The following KIAA1217 variants were observed in gnomAD, a reference collection of about 807,000 sequenced individuals.
The protein encoded by KIAA1217 is KIAA1217.
KIAA1217 carries 88 observed loss-of-function variants against 163.9 expected under a neutral mutation model. That is an observed-to-expected ratio of 0.54 (90% CI 0.45 to 0.64). KIAA1217 has a LOEUF of 0.64. Ranked by LOEUF, KIAA1217 falls within the 30% of genes least tolerant of loss-of-function variation. The pLI is 0.00. For synonymous variants in KIAA1217, 903 were observed against 923.1 expected (o/e 0.98, Z 0.39); for missense variants, 2,372 against 2,475.0 (o/e 0.96, Z 0.88).
At chr10:24,348,819 A>G (rs942692305) in intron 2 of KIAA1217, among the ~76,000 whole-genome samples, 9 of 152,140 alleles carry the variant, frequency 5.9e-5, no homozygotes, top group Non-Finnish European at 1.3e-4. Context: ...GTTCTGAGCA[A>G]GTTACTACTC....
intron 1 of KIAA1217, among the ~76,000 whole-genome samples, chr10:23,730,285 C>T (rs1158054757): frequency 6.6e-6 from 1 of 152,060 alleles, no homozygotes; most frequent in Non-Finnish European, 1.5e-5. Context: ...TGTTTCAGCA[C>T]CATTTGTTGA....
intron 2 of KIAA1217, among the ~76,000 whole-genome samples, chr10:24,098,549 T>G (rs1589488592): frequency 6.6e-6 from 1 of 152,090 alleles, no homozygotes; most frequent in African/African-American, 2.4e-5. Context: ...ATACCCTCTG[T>G]GGGGCAGGGT....
intron 1 of KIAA1217, among the ~76,000 whole-genome samples, chr10:23,869,166 A>G (rs1840343295): frequency 1.9e-5 from 2 of 105,642 alleles, no homozygotes; most frequent in Admixed American, 1.1e-4. Context: ...CATAAGTAGC[A>G]TATATTTTGA....
At chr10:24,337,467 A>G (rs1442257305) in intron 2 of KIAA1217, among the ~76,000 whole-genome samples, 4 of 152,142 alleles carry the variant, frequency 2.6e-5, no homozygotes, top group African/African-American at 4.8e-5. Flanking sequence ...TCTGTGAGCT[A>G]TGGCTTATAT....
At chr10:23,755,190 A>G (rs1833859943) in intron 1 of KIAA1217, among the ~76,000 whole-genome samples, 1 of 152,208 alleles carries the variant, frequency 6.6e-6, no homozygotes, top group Admixed American at 6.5e-5. Flanking sequence ...AGCAAATGGA[A>G]CAAAAAAGTT....
In KIAA1217 at chr10:24,404,460, G is replaced by A. The variant is rs547015222; in HGVS notation, c.553+23393G>A. On this transcript the variant is annotated intron_variant, in intron 3 of 20. Coordinates refer to ENST00000376454, the MANE Select transcript of KIAA1217 (RefSeq NM_019590.5). ...TGTGTGCCTATAATCCCAGCTACTC[G>A]GGAGGCTGAGACAGGAGAATCTCTT... 9.2e-4 allele frequency among the ~76,000 whole-genome samples: 140 copies of A among 151,490 alleles called. 2 individuals are homozygous for A. The highest frequency in any genetic ancestry group is 2.7e-3 in the African/African-American group (112 of 41,260).
chr10:23,945,216 G>C (rs763198647), intron 1 of KIAA1217, among the ~76,000 whole-genome samples: 1 of 152,048 alleles, frequency 6.6e-6, no homozygotes, highest in Admixed American at 6.6e-5. Flanking sequence ...CAATATCAAA[G>C]TGGAAATAAT....
At chr10:24,469,186 T>A (rs1310646363) in intron 5 of KIAA1217, among the ~76,000 whole-genome samples, 1 of 152,104 alleles carries the variant, frequency 6.6e-6, no homozygotes, top group Non-Finnish European at 1.5e-5. Context: ...AGTACTGTGG[T>A]GTATTCTTGG....
chr10:24,433,298 T>A, intron 4 of KIAA1217, 105 bp downstream of exon 4: 1 of 785,644 alleles, frequency 1.3e-6, no homozygotes, highest in African/African-American at 1.8e-5. Flanking sequence ...ATATTGCATT[T>A]AGAGTGTTTT....
chr10:24,132,510 C>T (rs956110018), intron 2 of KIAA1217, among the ~76,000 whole-genome samples: 3 of 152,190 alleles, frequency 2.0e-5, no homozygotes, highest in Admixed American at 1.3e-4. Flanking sequence ...CGGACATTGT[C>T]TCTGCCCTCC....
At chr10:24,404,124 A>AT (rs1210093966) in intron 3 of KIAA1217, among the ~76,000 whole-genome samples, 9 of 152,074 alleles carry the variant, frequency 5.9e-5, no homozygotes, top group South Asian at 2.1e-4. Context: ...TGCCCAGCTA[A>AT]TTTTTTGTAT....
At chr10:24,048,645 G>T (rs2131576358) in intron 2 of KIAA1217, among the ~76,000 whole-genome samples, 1 of 151,514 alleles carries the variant, frequency 6.6e-6, no homozygotes, top group African/African-American at 2.4e-5. Flanking sequence ...CAGGAAAATT[G>T]TTTGAATCTG....
At chr10:24,113,140 G>A (rs1375591879) in intron 2 of KIAA1217, among the ~76,000 whole-genome samples, 1 of 152,130 alleles carries the variant, frequency 6.6e-6, no homozygotes, top group African/African-American at 2.4e-5. Context: ...ACAGTAGCCA[G>A]GGATAACCCC....
intron 5 of KIAA1217, among the ~76,000 whole-genome samples, chr10:24,453,984 G>A (rs2061579067): frequency 6.6e-6 from 1 of 151,954 alleles, no homozygotes; most frequent in Non-Finnish European, 1.5e-5. Context: ...AATGTATGAA[G>A]TATAAAAACC....
At chr10:24,344,292 C>A (rs1358799734) in intron 2 of KIAA1217, among the ~76,000 whole-genome samples, 1 of 152,310 alleles carries the variant, frequency 6.6e-6, no homozygotes, top group South Asian at 2.1e-4. Flanking sequence ...ATCTACTGTA[C>A]CTACTCACAC....
At chr10:23,940,639 T>A (rs1311919909) in intron 1 of KIAA1217, among the ~76,000 whole-genome samples, 2 of 152,190 alleles carry the variant, frequency 1.3e-5, no homozygotes, top group Admixed American at 1.3e-4. Flanking sequence ...TATGCATTAT[T>A]TGTAACTGCA....
intron 1 of KIAA1217, among the ~76,000 whole-genome samples, chr10:23,837,255 C>T (rs1371161369): frequency 2.0e-5 from 3 of 152,124 alleles, no homozygotes; most frequent in Non-Finnish European, 4.4e-5. Flanking sequence ...GCCACCCATT[C>T]TGTGGCACTT....
intron 1 of KIAA1217, among the ~76,000 whole-genome samples, chr10:23,734,309 CAG>C (rs1474280256): frequency 6.8e-6 from 1 of 146,516 alleles, no homozygotes; most frequent in Non-Finnish European, 1.5e-5. Context: ...TTAAATAAGA[CAG>C]AGTCTCACTC....
At chr10:24,322,151 AC>A (rs1361527074) in intron 2 of KIAA1217, among the ~76,000 whole-genome samples, 1 of 151,990 alleles carries the variant, frequency 6.6e-6, no homozygotes, top group African/African-American at 2.4e-5. Flanking sequence ...ATGGTGTTTT[AC>A]CATGTTGGCC....
Sources: allele counts gnomAD v4.1 joint callset (sites outside exome capture counted in the v4.1 genomes callset), GRCh38; gene constraint gnomAD v4.1.1; transcripts MANE v1.5; gene names NCBI Gene and HGNC (gene_info 2026-07-23, HGNC 2026-07-21).